Variants in EXOC6B observed in about 807,000 individuals in gnomAD.
The protein encoded by EXOC6B is SEC15 homolog B.
Under a neutral mutation model 113.5 loss-of-function variants are expected in EXOC6B, and 54 were observed. That is an observed-to-expected ratio of 0.48 (90% confidence interval 0.38 to 0.60). The LOEUF (loss-of-function observed/expected upper bound fraction) is 0.60. Ranked by LOEUF, EXOC6B falls within the 20% of genes least tolerant of loss-of-function variation. The probability of loss-of-function intolerance (pLI) is 0.00; values close to 1 mark genes in which losing one functional copy is unlikely to be tolerated. For synonymous variants in EXOC6B, 357 were observed against 339.0 expected (o/e 1.05, Z -0.58); for missense variants, 797 against 977.5 (o/e 0.82, Z 2.46).
At chr2:72,336,333 G>T (rs1044728695) in intron 19 of EXOC6B, among the ~76,000 whole-genome samples, 1 of 152,088 alleles carries the variant, frequency 6.6e-6, no homozygotes, top group Non-Finnish European at 1.5e-5. Flanking sequence ...GTAATTTGTT[G>T]AACAAGGGTA....
chr2:72,713,584 C>A (rs940277271), intron 6 of EXOC6B, among the ~76,000 whole-genome samples: 2 of 149,380 alleles, frequency 1.3e-5, no homozygotes, highest in Non-Finnish European at 3.0e-5. Flanking sequence ...CCTCCCCCGT[C>A]CCCCCACCCC....
At chr2:72,269,615 A>C (rs921116727) in intron 20 of EXOC6B, among the ~76,000 whole-genome samples, 4 of 152,160 alleles carry the variant, frequency 2.6e-5, no homozygotes, top group Admixed American at 6.5e-5. Flanking sequence ...GTTCAAGACC[A>C]GCCTGGGGAA....
chr2:72,527,093 C>A (rs930164464), intron 8 of EXOC6B, among the ~76,000 whole-genome samples: 9 of 151,968 alleles, frequency 5.9e-5, no homozygotes, highest in Admixed American at 5.9e-4. Context: ...CTGCTAAGAA[C>A]CACTAACCTC....
At chr2:72,480,588 G>C in intron 17 of EXOC6B, 28 bp downstream of exon 17, 1 of 1,555,154 alleles carries the variant, frequency 6.4e-7, no homozygotes, top group Admixed American at 1.9e-5. Flanking sequence ...ACCAGAAGCA[G>C]TTCCACAGTA....
chr2:72,653,682 A>G (rs1215860687), intron 6 of EXOC6B, among the ~76,000 whole-genome samples: 2 of 151,210 alleles, frequency 1.3e-5, no homozygotes, highest in African/African-American at 2.5e-5. Flanking sequence ...CCTAAATTAT[A>G]CCTCTAAAAG....
chr2:72,506,498 G>C (rs1254391732), intron 11 of EXOC6B, among the ~76,000 whole-genome samples: 1 of 152,114 alleles, frequency 6.6e-6, no homozygotes, highest in Non-Finnish European at 1.5e-5. Flanking sequence ...AAGGCAGCTT[G>C]AGTGTTTAAC....
At chr2:72,748,670 G>C (rs929417954) in intron 1 of EXOC6B, among the ~76,000 whole-genome samples, 17 of 152,024 alleles carry the variant, frequency 1.1e-4, no homozygotes, top group African/African-American at 4.1e-4. Context: ...TTCACACAAA[G>C]ATAGCCCATA....
chr2:72,303,016 G>A (rs1317782121), intron 20 of EXOC6B, among the ~76,000 whole-genome samples: 1 of 152,056 alleles, frequency 6.6e-6, no homozygotes, highest in Non-Finnish European at 1.5e-5. Flanking sequence ...TGGGTCTGGT[G>A]ATACCAGACC....
chr2:72,612,196 G>C (rs1671116807), intron 6 of EXOC6B, among the ~76,000 whole-genome samples: 1 of 151,878 alleles, frequency 6.6e-6, no homozygotes. Context: ...AATGGTTTGA[G>C]CTCAGGAGGC....
chr2:72,521,470 A>AT (rs749818599), intron 8 of EXOC6B, among the ~76,000 whole-genome samples: 7 of 152,188 alleles, frequency 4.6e-5, no homozygotes, highest in Non-Finnish European at 1.0e-4. Context: ...AAGGTAAAAA[A>AT]TATCTTCTGA....
intron 18 of EXOC6B, among the ~76,000 whole-genome samples, chr2:72,408,831 A>T (rs1451722474): frequency 1.3e-5 from 2 of 152,208 alleles, no homozygotes; most frequent in Non-Finnish European, 1.5e-5. Flanking sequence ...CTAAAACACC[A>T]AAAGCAATGG....
At chr2:72,472,844 T>A (rs1698494153) in intron 17 of EXOC6B, among the ~76,000 whole-genome samples, 1 of 152,186 alleles carries the variant, frequency 6.6e-6, no homozygotes, top group African/African-American at 2.4e-5. Context: ...TTAGTACTGC[T>A]TTTGTTGTGT....
chr2:72,278,152 C>A (rs1472554808), intron 20 of EXOC6B, among the ~76,000 whole-genome samples: 2 of 152,164 alleles, frequency 1.3e-5, no homozygotes, highest in African/African-American at 4.8e-5. Flanking sequence ...CAGAATTTGT[C>A]ATTTTGAGTG....
chr2:72,409,445 C>T (rs1260281406), intron 18 of EXOC6B, among the ~76,000 whole-genome samples: 3 of 151,818 alleles, frequency 2.0e-5, no homozygotes, highest in Admixed American at 2.0e-4. Context: ...CTATTCACAA[C>T]AGCAAAGACT....
intron 8 of EXOC6B, among the ~76,000 whole-genome samples, chr2:72,549,094 G>A (rs1193868877): frequency 2.6e-5 from 4 of 151,692 alleles, no homozygotes; most frequent in African/African-American, 9.7e-5. Context: ...GGGAAAGAAT[G>A]AGAGGCATAC....
At chr2:72,605,904 C>T (rs1004443912) in intron 6 of EXOC6B, among the ~76,000 whole-genome samples, 1 of 152,068 alleles carries the variant, frequency 6.6e-6, no homozygotes, top group Non-Finnish European at 1.5e-5. Context: ...AGATAACACT[C>T]TCGATATGTG....
intron 6 of EXOC6B, among the ~76,000 whole-genome samples, chr2:72,667,122 C>G (rs907501565): frequency 6.6e-6 from 1 of 152,126 alleles, no homozygotes; most frequent in Non-Finnish European, 1.5e-5. Context: ...CTTTGTCTCC[C>G]AAAGTGATGG....
chr2:72,221,532 T>C (rs1196840235), intron 20 of EXOC6B, among the ~76,000 whole-genome samples: 1 of 152,180 alleles, frequency 6.6e-6, no homozygotes, highest in Non-Finnish European at 1.5e-5. Flanking sequence ...TTCTAATTCC[T>C]TCTACAGCAC....
chr2:72,596,337 C>G lies in EXOC6B; in HGVS notation c.670-20669G>C, dbSNP rs543337651. Among the ~76,000 whole-genome samples, 4 of 152,196 alleles carry G rather than the reference C, an allele frequency of 2.6e-5. No individual in the cohort carries two copies. The South Asian group carries it at 8.3e-4, about 32-fold the overall frequency. The stretch of plus-strand genomic sequence containing the variant: ...CATGAGCAGAATCCCCTGGTGCCTA[C>G]CCAGTAACAGGTAGGAAAACTTAAA... On this transcript the variant is annotated intron_variant, in intron 6 of 21. Coordinates refer to ENST00000272427, the MANE Select transcript of EXOC6B (RefSeq NM_015189.3).
Sources: gnomAD v4.1 joint callset for allele counts (sites outside exome capture counted in the v4.1 genomes callset) on GRCh38, gnomAD v4.1.1 for gene constraint, MANE v1.5 for transcripts, NCBI Gene and HGNC (gene_info 2026-07-23, HGNC 2026-07-21) for gene names.